The following LPXN variants were observed in gnomAD, a reference collection of about 807,000 sequenced individuals.
The protein encoded by LPXN is leupaxin.
In LPXN, 28 loss-of-function variants were observed where a neutral mutation model predicts 45.6. That is an observed-to-expected ratio of 0.61 (90% CI 0.45 to 0.84). LPXN has a LOEUF of 0.84. LPXN is among the 40% of genes least tolerant of loss of function. The pLI is 0.00. For synonymous variants in LPXN, 166 were observed against 169.9 expected (o/e 0.98, Z 0.18); for missense variants, 459 against 475.0 (o/e 0.97, Z 0.31).
At chr11:58,578,305 C>G, upstream of LPXN, 1 of 358,860 alleles carries the variant, frequency 2.8e-6, no homozygotes, top group South Asian at 2.7e-5. Context: ...ACTACCTTTC[C>G]CGTCGTGACT....
upstream of LPXN, among the ~76,000 whole-genome samples, chr11:58,576,162 A>C (rs190402056): frequency 6.6e-6 from 1 of 151,352 alleles, no homozygotes; most frequent in African/African-American, 2.4e-5. Context: ...CCCCACTCTG[A>C]GCATCTTTCT....
At chr11:58,538,041 C>T (rs533550928) in intron 7 of LPXN, among the ~76,000 whole-genome samples, 10 of 150,514 alleles carry the variant, frequency 6.6e-5, no homozygotes, top group Admixed American at 2.0e-4. Flanking sequence ...TTTGTCCTTG[C>T]GATAGTTTAC....
At chr11:58,540,537 C>T (rs12276093) in intron 7 of LPXN, among the ~76,000 whole-genome samples, 1,659 of 152,226 alleles carry the variant, frequency 0.011, 37 homozygotes, top group African/African-American at 0.038. Context: ...AAACTTGCTT[C>T]TTAATATTCC....
intron 2 of LPXN, among the ~76,000 whole-genome samples, chr11:58,565,667 G>A (rs1242533314): frequency 6.6e-6 from 1 of 151,826 alleles, no homozygotes; most frequent in African/African-American, 2.4e-5. Context: ...GTGATACAAA[G>A]TTATGAACAT....
At chr11:58,551,550 C>T (rs1232766529) in intron 4 of LPXN, among the ~76,000 whole-genome samples, 1 of 152,218 alleles carries the variant, frequency 6.6e-6, no homozygotes, top group Non-Finnish European at 1.5e-5. Flanking sequence ...TTAGTCACAT[C>T]TCCCTTTTAC....
chr11:58,546,431 A>C (rs1486310857), intron 7 of LPXN, among the ~76,000 whole-genome samples: 1 of 152,248 alleles, frequency 6.6e-6, no homozygotes, highest in Non-Finnish European at 1.5e-5. Flanking sequence ...ACCATGAGGA[A>C]ACGAGTCAAG....
chr11:58,577,504 C>T (rs1854933916), upstream of LPXN, among the ~76,000 whole-genome samples: 1 of 152,116 alleles, frequency 6.6e-6, no homozygotes, highest in Non-Finnish European at 1.5e-5. Flanking sequence ...GCCCTGGATG[C>T]CTTATTTTCC....
chr11:58,550,355 C>G (rs1384820701), intron 5 of LPXN, among the ~76,000 whole-genome samples: 1 of 152,196 alleles, frequency 6.6e-6, no homozygotes, highest in African/African-American at 2.4e-5. Context: ...ATGCCCACTT[C>G]CGGGACTGAT....
At chr11:58,567,156 A>G (rs1309324759) in intron 2 of LPXN, among the ~76,000 whole-genome samples, 2 of 152,222 alleles carry the variant, frequency 1.3e-5, no homozygotes, top group African/African-American at 2.4e-5. Flanking sequence ...TTTCTGCTTC[A>G]TAGCTTGTTA....
intron 1 of LPXN, among the ~76,000 whole-genome samples, chr11:58,572,069 A>C: frequency 6.6e-6 from 1 of 152,236 alleles, no homozygotes; most frequent in East Asian, 1.9e-4. Flanking sequence ...ATTATGGCTC[A>C]ATAATGCATT....
At chr11:58,575,932 T>G, upstream of LPXN, 1 of 1,455,774 alleles carries the variant, frequency 6.9e-7, no homozygotes, top group Non-Finnish European at 9.0e-7. Flanking sequence ...CTCTTTTGAT[T>G]TGGTGAGCTT....
intron 3 of LPXN, among the ~76,000 whole-genome samples, chr11:58,556,525 A>G (rs889345186): frequency 6.6e-6 from 1 of 152,094 alleles, no homozygotes; most frequent in African/African-American, 2.4e-5. Flanking sequence ...CACATTTAAA[A>G]GTAAAATAAG....
chr11:58,554,776 A>C, intron 4 of LPXN, 65 bp downstream of exon 4: 156 of 1,073,106 alleles, frequency 1.5e-4, no homozygotes, highest in Non-Finnish European at 2.0e-4. Flanking sequence ...TGGTGACCCC[A>C]TGGGCCCTGT....
At chr11:58,563,838 G>A (rs1854450863) in intron 3 of LPXN, among the ~76,000 whole-genome samples, 1 of 152,140 alleles carries the variant, frequency 6.6e-6, no homozygotes, top group Non-Finnish European at 1.5e-5. Context: ...TATCTTTCAG[G>A]AAACTGAAGC....
chr11:58,548,261 G>A (rs543448897), intron 7 of LPXN, among the ~76,000 whole-genome samples: 1 of 152,226 alleles, frequency 6.6e-6, no homozygotes, highest in African/African-American at 2.4e-5. Context: ...GTGGTAACAT[G>A]TATAAAACAT....
At chr11:58,537,678 GTTCA>G (rs1350095734) in intron 7 of LPXN, among the ~76,000 whole-genome samples, 1 of 152,044 alleles carries the variant, frequency 6.6e-6, no homozygotes, top group East Asian at 1.9e-4. Flanking sequence ...AAACGAAATA[GTTCA>G]TTCAAGTAAC....
intron 3 of LPXN, among the ~76,000 whole-genome samples, chr11:58,555,754 A>ACT (rs1370522516): frequency 9.5e-6 from 1 of 105,260 alleles, no homozygotes; most frequent in African/African-American, 3.3e-5. Context: ...ACACACACAC[A>ACT]CACTCACACA....
rs1013509660 is a variant in LPXN at position 58,572,288 on chromosome 11, CT to C, written c.14-1576del. Among the ~76,000 whole-genome samples the C allele has an allele frequency of 1.1e-3, 155 of 147,194 alleles. 1 individual carries two copies. Among genetic ancestry groups the C allele is most frequent in the Middle Eastern group, 3.5e-3 (1 of 288 alleles). On this transcript the variant is annotated intron_variant, in intron 1 of 8. Transcript: ENST00000395074. Reference sequence around the variant, plus strand: ...TAATGGCGTTAGAAGAGATCTAATCCTTTTTTTTTTAACAAATGAAATATAC... The same window carrying C: ...TAATGGCGTTAGAAGAGATCTAATCCTTTTTTTTTAACAAATGAAATATAC...
At chr11:58,555,398 G>A (rs1854171596) in intron 3 of LPXN, among the ~76,000 whole-genome samples, 1 of 151,902 alleles carries the variant, frequency 6.6e-6, no homozygotes, top group African/African-American at 2.4e-5. Context: ...GCAAATCTCT[G>A]GTGCAGAAAG....
Sources: allele counts gnomAD v4.1 joint callset (sites outside exome capture counted in the v4.1 genomes callset), GRCh38; gene constraint gnomAD v4.1.1; transcripts MANE v1.5; gene names NCBI Gene and HGNC (gene_info 2026-07-23, HGNC 2026-07-21).